Variants in ANKS6 observed in about 807,000 individuals in gnomAD.
ANKS6 encodes ankyrin repeat and SAM domain-containing protein 6.
ANKS6 carries 47 observed loss-of-function variants against 77.9 expected under a neutral mutation model. That is an observed-to-expected ratio of 0.60 (90% CI 0.48 to 0.77). The LOEUF (loss-of-function observed/expected upper bound fraction) is 0.77. Among genes scored for constraint, ANKS6 ranks in the 30% least tolerant of loss-of-function variants. The pLI is 0.00. For synonymous variants in ANKS6, 488 were observed against 501.7 expected, an observed-to-expected ratio of 0.97 and a Z score of 0.37; for missense variants, 1,150 against 1,159.1, an observed-to-expected ratio of 0.99 and a Z score of 0.11.
chr9:98,745,268 G>A (rs543754903), intron 14 of ANKS6, among the ~76,000 whole-genome samples: 50 of 152,322 alleles, frequency 3.3e-4, no homozygotes, highest in African/African-American at 1.0e-3. Flanking sequence ...TTCAAACCCA[G>A]GCCAGTCTGA....
At chr9:98,756,335 C>T (rs1832697669) in intron 12 of ANKS6, 85 bp downstream of exon 12, 6 of 1,456,932 alleles carry the variant, frequency 4.1e-6, no homozygotes, top group Non-Finnish European at 5.6e-6. Context: ...ATGGTTATAG[C>T]AATTAAGGTC....
chr9:98,757,928 A>AAAAT (rs200768970), intron 11 of ANKS6, among the ~76,000 whole-genome samples: 20,736 of 150,996 alleles, frequency 0.14, 1,585 homozygotes, highest in East Asian at 0.26. Flanking sequence ...ACTCTGTCTC[A>AAAAT]AAATAAATAA....
Position 98,733,608 on chromosome 9 carries a change from A to G in ANKS6, c.*2911T>C, listed in dbSNP as rs370155198. Reference sequence around the variant, plus strand: ...GTTCCAGAAAAAGCGGGGCTTCTCCAATGGTGTCCAAGGAATTCCAGTCTT... The same window carrying G: ...GTTCCAGAAAAAGCGGGGCTTCTCCGATGGTGTCCAAGGAATTCCAGTCTT... On this transcript the variant is annotated 3_prime_UTR_variant, in exon 15 of 15. Coordinates refer to ENST00000353234, the MANE Select transcript of ANKS6 (RefSeq NM_173551.5). The G allele has an allele frequency of 9.1e-6, 9 of 985,464 alleles. No individual in the cohort carries two copies. The African/African-American group carries it at 1.6e-4, about 17-fold the overall frequency. The allele number at this position is 985,464 out of a possible 1,614,324, so 61.0% of individuals were successfully genotyped here.
intron 2 of ANKS6, among the ~76,000 whole-genome samples, chr9:98,786,675 C>T (rs1834591036): frequency 1.3e-5 from 2 of 152,174 alleles, no homozygotes; most frequent in Admixed American, 1.3e-4. Context: ...TATCAAGAAA[C>T]TATTCTGCAC....
At chr9:98,740,102 T>C (rs865818931) in intron 14 of ANKS6, among the ~76,000 whole-genome samples, 1 of 152,134 alleles carries the variant, frequency 6.6e-6, no homozygotes, top group Admixed American at 6.5e-5. Context: ...GGCAGACTGT[T>C]CTCTACTAAG....
rs544815927 is a variant in ANKS6, at chr9:98,736,543, G to C, written c.2592C>G (p.Ala864=). 3.7e-6 allele frequency: 6 copies of C among 1,612,668 alleles called. No individual in the cohort carries two copies. Among genetic ancestry groups the C allele is most frequent in the Non-Finnish European group, 5.1e-6 (6 of 1,179,166 alleles). Residue 864 remains alanine (A), a synonymous_variant, in exon 15 of 15, where the codon GCC becomes GCG. Coordinates refer to ENST00000353234, the MANE Select transcript of ANKS6 (RefSeq NM_173551.5). ...SFESSASNTR[A]PGNSPCA ...ATCACGCACAGGGGCTGTTGCCAGG[G>C]GCCCTGGTGTTGCTGGCACTGCTCT... is the stretch of plus-strand genomic sequence containing the variant.
At chr9:98,788,264 C>T (rs879513814) in intron 2 of ANKS6, among the ~76,000 whole-genome samples, 3 of 152,180 alleles carry the variant, frequency 2.0e-5, no homozygotes, top group Admixed American at 6.5e-5. Flanking sequence ...GGATGGAGAA[C>T]GCATGCACAA....
At chr9:98,785,719 G>A (rs889607820) in intron 2 of ANKS6, among the ~76,000 whole-genome samples, 1 of 152,150 alleles carries the variant, frequency 6.6e-6, no homozygotes, top group Non-Finnish European at 1.5e-5. Context: ...GCAGCTGCCA[G>A]AGGGCACTTG....
At chr9:98,792,658 T>C (rs560796332) in intron 1 of ANKS6, among the ~76,000 whole-genome samples, 1 of 152,300 alleles carries the variant, frequency 6.6e-6, no homozygotes, top group South Asian at 2.1e-4. Context: ...AACAGCAGAT[T>C]ACAAGGTGCG....
intron 1 of ANKS6, among the ~76,000 whole-genome samples, chr9:98,794,011 G>A (rs1369109691): frequency 4.0e-5 from 6 of 150,680 alleles, no homozygotes; most frequent in Non-Finnish European, 7.4e-5. Flanking sequence ...GTAGCTGGGC[G>A]TGGTGGCACG....
chr9:98,756,356 T>G lies in ANKS6; in HGVS notation c.2326+64A>C, dbSNP rs961547545. On this transcript the variant is annotated intron_variant, in intron 12 of 14. Coordinates refer to ENST00000353234, the MANE Select transcript of ANKS6 (RefSeq NM_173551.5). ...ATAGCAATTAAGGTCACCTTGCAGT[T>G]CCTTGCTGCCAGGTCATCATGGTGA... 3 of 1,553,620 alleles carry G rather than the reference T, an allele frequency of 1.9e-6. No homozygotes were observed. The African/African-American group carries it at 4.1e-5, about 21-fold the overall frequency.
At chr9:98,759,965 TAGA>T (rs1423471295) in intron 11 of ANKS6, among the ~76,000 whole-genome samples, 2 of 152,058 alleles carry the variant, frequency 1.3e-5, no homozygotes, top group African/African-American at 2.4e-5. Context: ...TTCAAAAAGC[TAGA>T]AGGAGGATAT....
intron 1 of ANKS6, among the ~76,000 whole-genome samples, chr9:98,793,846 T>C (rs1447172045): frequency 1.3e-5 from 2 of 150,050 alleles, no homozygotes; most frequent in Middle Eastern, 3.2e-3. Context: ...GGTTACCTAT[T>C]ATTTTAAGAA....
intron 13 of ANKS6, among the ~76,000 whole-genome samples, chr9:98,747,270 A>T (rs1429435715): frequency 2.8e-5 from 4 of 141,996 alleles, no homozygotes; most frequent in Non-Finnish European, 4.4e-5. Flanking sequence ...CAAGATTAAC[A>T]TTTTTTTTCT....
chr9:98,778,615 C>G (rs1834054517), intron 6 of ANKS6, among the ~76,000 whole-genome samples, 191 bp from the exon 7 acceptor site: 1 of 152,218 alleles, frequency 6.6e-6, no homozygotes, highest in Non-Finnish European at 1.5e-5. Flanking sequence ...CTAAATCTTT[C>G]CTGACCCAGC....
Position 98,790,382 on chromosome 9 carries a change from A to G in ANKS6, c.584T>C (p.Leu195Pro), listed in dbSNP as rs1443477679. The change falls in exon 2 of 15, where the codon CTG (leucine) becomes CCG (proline). Residue 195 changes from leucine (L) to proline (P), a missense_variant. Physicochemically the swap from Leu to Pro is moderately conservative, Grantham distance 98. Coordinates refer to ENST00000353234, the MANE Select transcript of ANKS6 (RefSeq NM_173551.5). ...GTGCCCGTGCTGGATGGCAGCCATCAGGGCTGTGATGTCCAAGGGCTCATC... is the reference window on the plus strand; with the variant it reads ...GTGCCCGTGCTGGATGGCAGCCATCGGGGCTGTGATGTCCAAGGGCTCATC... ...SRDEPLDITA[L>P]MAAIQHGHEA... 10 of 1,613,710 alleles carry G rather than the reference A, an allele frequency of 6.2e-6. No homozygotes were observed. Among genetic ancestry groups the G allele is most frequent in the Non-Finnish European group, 8.5e-6 (10 of 1,180,022 alleles).
At chr9:98,794,318 G>C (rs893345422) in intron 1 of ANKS6, among the ~76,000 whole-genome samples, 1 of 152,140 alleles carries the variant, frequency 6.6e-6, no homozygotes, top group Non-Finnish European at 1.5e-5. Flanking sequence ...GGCTGCCAGG[G>C]GTGTGGTTTT....
chr9:98,732,732 T>C lies in ANKS6; in HGVS notation c.*3787A>G. On this transcript the variant is annotated 3_prime_UTR_variant, in exon 15 of 15. Transcript: ENST00000353234. ...CTGTAACCAAAAGGGAAACTGGGAC[T>C]CAAAGGGAAGAAGAAACGTGCTCAA... 1 of 1,436,216 alleles carries C rather than the reference T, an allele frequency of 7.0e-7. No homozygotes were observed. Among genetic ancestry groups the C allele is most frequent in the East Asian group, 2.5e-5 (1 of 39,576 alleles). The allele number at this position is 1,436,216 out of a possible 1,614,324, so 89.0% of individuals were successfully genotyped here. A position where few individuals can be genotyped will look rare whatever the true frequency, so the allele number is the denominator to read the frequency against.
intron 9 of ANKS6, among the ~76,000 whole-genome samples, chr9:98,771,286 C>G (rs1397669878): frequency 6.6e-6 from 1 of 152,192 alleles, no homozygotes; most frequent in African/African-American, 2.4e-5. Flanking sequence ...CATGGGCCAC[C>G]TTGCTTTCAG....
Sources: gnomAD v4.1 joint callset for allele counts (sites outside exome capture counted in the v4.1 genomes callset) on GRCh38, gnomAD v4.1.1 for gene constraint, MANE v1.5 for transcripts, NCBI Gene and HGNC (gene_info 2026-07-23, HGNC 2026-07-21) for gene names.